Variants in PCDHA1 observed in about 807,000 individuals in gnomAD.
PCDHA1 encodes the protein protocadherin alpha-1.
In PCDHA1, 42 loss-of-function variants were observed where a neutral mutation model predicts 61.3. The observed-to-expected ratio is 0.69, with a 90% CI of 0.54 to 0.89. The LOEUF (loss-of-function observed/expected upper bound fraction) is 0.89, where lower values mean the gene tolerates loss of function less well. Among genes scored for constraint, PCDHA1 ranks in the 40% least tolerant of loss-of-function variants. The pLI is 0.00. For missense variants in PCDHA1, 1,256 were observed against 1,235.3 expected (o/e 1.02, Z -0.25); for synonymous variants, 610 against 553.8 (o/e 1.10, Z -1.43).
intron 3 of PCDHA1, among the ~76,000 whole-genome samples, chr5:141,001,941 A>G (rs565358428): frequency 6.6e-6 from 1 of 151,874 alleles, no homozygotes; most frequent in Admixed American, 6.5e-5. Context: ...GTGAGCGGAA[A>G]TAAGGAGGAG....
In PCDHA1 at chr5:140,856,020, G is replaced by C. The variant is rs782082828; in HGVS notation, c.2394+67336G>C. 111 of 1,553,262 alleles carry C rather than the reference G, an allele frequency of 7.1e-5. 11 individuals are homozygous for C. Among genetic ancestry groups the C allele is most frequent in the Non-Finnish European group, 9.5e-5 (109 of 1,143,834 alleles). ...TATGTGCGTTCTAGACCGCTGATTC[G>C]TCGATTTGTAAAACAAGAGAAGGAT... On this transcript the variant is annotated intron_variant, in intron 1 of 3. Coordinates refer to ENST00000504120, the MANE Select transcript of PCDHA1 (RefSeq NM_018900.4).
chr5:140,928,288 C>G, intron 1 of PCDHA1: 2 of 1,614,156 alleles, frequency 1.2e-6, no homozygotes, highest in Non-Finnish European at 1.7e-6. Flanking sequence ...CTCTCTAGGC[C>G]GAGTGTTTGC....
chr5:140,930,375 C>T (rs2086761522), intron 1 of PCDHA1: 1 of 151,734 alleles, frequency 6.6e-6, no homozygotes, highest in Non-Finnish European at 1.5e-5. Flanking sequence ...GTTAGTGGCC[C>T]TTGGCATTTC....
At chr5:140,834,079 C>T (rs1300614234) in intron 1 of PCDHA1, among the ~76,000 whole-genome samples, 1 of 152,142 alleles carries the variant, frequency 6.6e-6, no homozygotes, top group African/African-American at 2.4e-5. Context: ...GCTATTTTAA[C>T]CTTTAACAAC....
rs1256665914 is a variant in PCDHA1 at position 140,917,331 on chromosome 5, G to A, written c.2395-61618G>A. On this transcript the variant is annotated intron_variant, in intron 1 of 3. Transcript: ENST00000504120. ...AATTTGGTGTTCATGTGGCGGGGGA[G>A]GGGGGGGATGGTGTAGGCTTCTGTT... Among the ~76,000 whole-genome samples the A allele has an allele frequency of 5.8e-5, 8 of 137,654 alleles. 1 individual carries two copies. The East Asian group carries it at 6.7e-4, about 12-fold the overall frequency. 90.3% of individuals were successfully genotyped at this position (137,654 alleles called of 152,430 possible).
intron 1 of PCDHA1, chr5:140,803,429 G>T (rs782400745): frequency 1.2e-6 from 2 of 1,614,224 alleles, no homozygotes; most frequent in Non-Finnish European, 8.5e-7. Flanking sequence ...GCTCCAGCGC[G>T]GTGGGGAGCT....
Position 140,876,041 on chromosome 5 carries a change from T to A in PCDHA1, c.2394+87357T>A, listed in dbSNP as rs1554168219. The A allele has an allele frequency of 1.9e-6, 3 of 1,613,848 alleles. No homozygotes were observed. Among genetic ancestry groups the A allele is most frequent in the South Asian group, 2.2e-5 (2 of 91,072 alleles). On this transcript the variant is annotated intron_variant, in intron 1 of 3. Transcript: ENST00000504120. ...ATAAAAACAAAAAAAGATAAAAGTATATTGCCTGAATTAGTTCTTCGGAAG... is the reference window on the plus strand; with the variant it reads ...ATAAAAACAAAAAAAGATAAAAGTAAATTGCCTGAATTAGTTCTTCGGAAG...
chr5:140,852,172 A>T (rs2042256675), intron 1 of PCDHA1: 1 of 802,380 alleles, frequency 1.2e-6, no homozygotes, highest in South Asian at 5.6e-5. Context: ...GAGCCACAAA[A>T]ATAACTATGA....
At chr5:140,920,323 T>C (rs1448405138) in intron 1 of PCDHA1, among the ~76,000 whole-genome samples, 3 of 152,212 alleles carry the variant, frequency 2.0e-5, no homozygotes, top group Non-Finnish European at 4.4e-5. Context: ...AAATTATATA[T>C]TTATGGCATT....
chr5:140,827,116 T>C (rs1554130718), intron 1 of PCDHA1, among the ~76,000 whole-genome samples: 1 of 152,148 alleles, frequency 6.6e-6, no homozygotes, highest in Non-Finnish European at 1.5e-5. Context: ...TAGGTGAAAG[T>C]GACAATTAGA....
intron 1 of PCDHA1, chr5:140,927,619 C>G: frequency 6.2e-7 from 1 of 1,614,170 alleles, no homozygotes; most frequent in Non-Finnish European, 8.5e-7. Flanking sequence ...CACCAAGGTT[C>G]CAGAGACTGC....
At chr5:140,863,062 G>A (rs62384481) in intron 1 of PCDHA1, 2 of 565,590 alleles carry the variant, frequency 3.5e-6, no homozygotes, top group South Asian at 1.4e-5. Context: ...CCCGTTCCAC[G>A]TGGGGCTCTG....
rs781785142 is a variant in PCDHA1, at chr5:140,871,450, G to A, written c.2394+82766G>A. 4 of 1,608,718 alleles carry A rather than the reference G, an allele frequency of 2.5e-6. No individual in the cohort carries two copies. The highest frequency in any genetic ancestry group is 2.2e-5 in the South Asian group (2 of 90,488). ...TCTTCCTCTAGGTCTGAATAAAGAG[G>A]AGGAAGGGGAAAGACAGGAGCCAGG... On this transcript the variant is annotated intron_variant, in intron 1 of 3. Coordinates refer to ENST00000504120, the MANE Select transcript of PCDHA1 (RefSeq NM_018900.4).
chr5:140,884,491 C>G, intron 1 of PCDHA1: 1 of 1,614,052 alleles, frequency 6.2e-7, no homozygotes, highest in East Asian at 2.2e-5. Flanking sequence ...CTCTAGTGTG[C>G]TCCAGCGCGG....
chr5:140,838,120 G>T (rs1045969296), intron 1 of PCDHA1, among the ~76,000 whole-genome samples: 1 of 146,176 alleles, frequency 6.8e-6, no homozygotes, highest in Non-Finnish European at 1.5e-5. Flanking sequence ...GTGTGTGTGT[G>T]TGTGTGTGTG....
intron 1 of PCDHA1, chr5:140,854,252 T>C (rs1188551859): frequency 1.8e-5 from 11 of 627,946 alleles, no homozygotes; most frequent in African/African-American, 2.0e-5. Flanking sequence ...TCACTTGGTA[T>C]AAAATGTACA....
rs2150530926 is a variant in PCDHA1 at position 140,853,336 on chromosome 5, A to G, written c.2394+64652A>G. The G allele has an allele frequency of 4.1e-5, 40 of 984,520 alleles. 4 individuals carry two copies. The highest frequency in any genetic ancestry group is 4.9e-5 in the Non-Finnish European group (40 of 817,056). 61.0% of individuals were successfully genotyped at this position (984,520 alleles called of 1,614,324 possible). A position where few individuals can be genotyped will look rare whatever the true frequency, so the allele number is the denominator to read the frequency against. On this transcript the variant is annotated intron_variant, in intron 1 of 3. Transcript: ENST00000504120. ...AGTAATAAATTTATCTTTTGAGGTC[A>G]TTAGCAAACATGAACTCACAGGGAT...
chr5:140,860,911 G>A (rs1302618157), intron 1 of PCDHA1: 1 of 152,150 alleles, frequency 6.6e-6, no homozygotes, highest in Non-Finnish European at 1.5e-5. Context: ...CTAATTTTTT[G>A]TATTTTTAGT....
At chr5:140,954,592 T>G (rs1250050362) in intron 1 of PCDHA1, among the ~76,000 whole-genome samples, 13 of 152,236 alleles carry the variant, frequency 8.5e-5, no homozygotes, top group Non-Finnish European at 5.9e-5. Flanking sequence ...TCTGTTCATG[T>G]TCTTTGCCCA....
Sources: gnomAD v4.1 joint callset for allele counts (sites outside exome capture counted in the v4.1 genomes callset) on GRCh38, gnomAD v4.1.1 for gene constraint, MANE v1.5 for transcripts, NCBI Gene and HGNC (gene_info 2026-07-23, HGNC 2026-07-21) for gene names.